The following HTR2B variants were observed in gnomAD, a reference collection of about 807,000 sequenced individuals.
The protein encoded by HTR2B is 5-hydroxytryptamine receptor 2B.
HTR2B carries 31 observed loss-of-function variants against 39.8 expected under a neutral mutation model. That is an observed-to-expected ratio of 0.78 (90% confidence interval 0.58 to 1.05). The LOEUF (loss-of-function observed/expected upper bound fraction) is 1.05. HTR2B is among the 50% of genes least tolerant of loss of function. The probability of loss-of-function intolerance (pLI) is 0.00; values close to 1 mark genes in which losing one functional copy is unlikely to be tolerated. For synonymous variants in HTR2B, 210 were observed against 207.1 expected (o/e 1.01, Z -0.12); for missense variants, 562 against 578.0 (o/e 0.97, Z 0.28).
chr2:231,123,039 G>A (rs1010207570), intron 2 of HTR2B, among the ~76,000 whole-genome samples: 1 of 152,092 alleles, frequency 6.6e-6, no homozygotes, highest in African/African-American at 2.4e-5. Flanking sequence ...ATCTGTCCCG[G>A]AAGTGTCCTA....
At position 231,123,614 on chromosome 2, in the gene HTR2B, C is replaced by G. The variant is rs1031509575; in HGVS notation, c.151G>C (p.Gly51Arg). Residue 51 changes from glycine (G) to arginine (R), a missense_variant, in exon 2 of 4, where the codon GGA (glycine) becomes CGA (arginine). Coordinates refer to ENST00000258400, the MANE Select transcript of HTR2B (RefSeq NM_000867.5). ...EEMKQIVEEQ[G>R]NKLHWAALLI... ...AGAGCTGCCCAGTGCAGTTTATTTCCCTGTTCCTCAACAATCTGTTTCATT... is the reference window on the plus strand; with the variant it reads ...AGAGCTGCCCAGTGCAGTTTATTTCGCTGTTCCTCAACAATCTGTTTCATT... The G allele has an allele frequency of 6.2e-7, 1 of 1,614,076 alleles. No homozygotes were observed. The highest frequency in any genetic ancestry group is 8.5e-7 in the Non-Finnish European group (1 of 1,179,962).
intron 2 of HTR2B, among the ~76,000 whole-genome samples, chr2:231,120,518 C>T (rs1695502561): frequency 6.6e-6 from 1 of 152,154 alleles, no homozygotes; most frequent in African/African-American, 2.4e-5. Context: ...GAAAAATTGA[C>T]CTAGCACAAC....
intron 2 of HTR2B, among the ~76,000 whole-genome samples, chr2:231,118,101 C>T (rs530428589): frequency 1.4e-5 from 2 of 147,466 alleles, no homozygotes; most frequent in Admixed American, 1.3e-4. Context: ...CCCTCTGCTT[C>T]TCTGTCCTCT....
At position 231,108,988 on chromosome 2, in the gene HTR2B, G is replaced by A. The variant is rs373423199; in HGVS notation, c.975C>T (p.Val325=). ...AAAAGAGGAAAAACACAATCCCTAG[G>A]ACCTTTGAGGCTCTCTGTTCGTTGG... The part of the protein sequence containing the change: ...TISNEQRASK[V]LGIVFFLFLL... Residue 325 remains valine, a synonymous_variant, in exon 4 of 4, where the codon GTC becomes GTT. Transcript: ENST00000258400. 1 of 1,614,058 alleles carries A rather than the reference G, an allele frequency of 6.2e-7. No individual in the cohort carries two copies. The highest frequency in any genetic ancestry group is 8.5e-7 in the Non-Finnish European group (1 of 1,180,034).
rs748785595 is a variant in HTR2B at position 231,109,406 on chromosome 2, A to T, written c.557T>A (p.Ile186Asn). Residue 186 changes from isoleucine (I) to asparagine (N), a missense_variant, in exon 4 of 4, where the codon ATT (isoleucine) becomes AAT (asparagine). Coordinates refer to ENST00000258400, the MANE Select transcript of HTR2B (RefSeq NM_000867.5). ...ITVVWLISIG[I>N]AIPVPIKGIE... ...CCCTTTAATAGGGACTGGAATGGCA[A>T]TGCCTAAGGAAGAGGAAAACAAGAT... 6.2e-7 allele frequency: 1 copy of T among 1,613,544 alleles called. No homozygotes were observed. Among genetic ancestry groups the T allele is most frequent in the Non-Finnish European group, 8.5e-7 (1 of 1,179,618 alleles).
intron 2 of HTR2B, among the ~76,000 whole-genome samples, chr2:231,114,590 T>C (rs1281017227): frequency 6.6e-6 from 1 of 152,208 alleles, no homozygotes; most frequent in Non-Finnish European, 1.5e-5. Flanking sequence ...AAACTGGAGA[T>C]AAAATAATTA....
intron 1 of HTR2B, among the ~76,000 whole-genome samples, chr2:231,124,742 C>T (rs147353788): frequency 7.2e-4 from 109 of 151,940 alleles, no homozygotes; most frequent in Non-Finnish European, 1.2e-3. Context: ...ATTTTTTTAA[C>T]CTTCCCAGTT....
At chr2:231,120,002 G>T (rs1695481484) in intron 2 of HTR2B, among the ~76,000 whole-genome samples, 1 of 150,084 alleles carries the variant, frequency 6.7e-6, no homozygotes, top group Admixed American at 6.6e-5. Context: ...ACCCAGGCTG[G>T]AGTGCAGTGG....
chr2:231,119,483 TTGCTTCAA>T (rs1279246745), intron 2 of HTR2B, among the ~76,000 whole-genome samples: 1 of 152,182 alleles, frequency 6.6e-6, no homozygotes, highest in Non-Finnish European at 1.5e-5. Context: ...CTGGGATGTC[TTGCTTCAA>T]ACAGCCATCT....
Position 231,123,860 on chromosome 2 carries a change from G to T in HTR2B, c.-96C>A. On this transcript the variant is annotated 5_prime_UTR_variant, in exon 2 of 4. Transcript: ENST00000258400. ...TGTTTTTTTAAGGCATTGTAACCAT[G>T]CCAAACACTCAAAAGCCAAAGTTGA... 9.8e-7 allele frequency: 1 copy of T among 1,015,306 alleles called. No homozygotes were observed. The highest frequency in any genetic ancestry group is 1.6e-6 in the Non-Finnish European group (1 of 643,716). 62.9% of individuals were successfully genotyped at this position (1,015,306 alleles called of 1,614,324 possible). A position where few individuals can be genotyped will look rare whatever the true frequency, so the allele number is the denominator to read the frequency against.
intron 3 of HTR2B, among the ~76,000 whole-genome samples, chr2:231,111,999 C>G (rs1695171360): frequency 6.6e-6 from 1 of 152,084 alleles, no homozygotes; most frequent in Non-Finnish European, 1.5e-5. Flanking sequence ...TTGATGGTAT[C>G]CAGCCTTAAT....
Position 231,113,865 on chromosome 2 carries a change from T to C in HTR2B, c.417A>G (p.Ser139=), listed in dbSNP as rs757908200. Residue 139 remains serine (S), a synonymous_variant, in exon 3 of 4, where the codon TCA becomes TCG. Transcript: ENST00000258400. The part of the protein sequence containing the change: ...PAWLFLDVLF[S]TASIMHLCAI... The stretch of plus-strand genomic sequence containing the variant: ...CACAGAGATGCATGATGGATGCGGT[T>C]GAAAAGAGAACGTCAAGAAATAACC... The C allele has an allele frequency of 7.4e-6, 12 of 1,614,138 alleles. No homozygotes were observed. The East Asian group carries it at 2.7e-4, about 36-fold the overall frequency.
At chr2:231,114,047 T>A in intron 2 of HTR2B, 118 bp from the exon 3 acceptor site, 1 of 765,838 alleles carries the variant, frequency 1.3e-6, no homozygotes, top group Non-Finnish European at 2.3e-6. Context: ...ATTTTATAAC[T>A]TTAACAACAT....
chr2:231,114,308 G>T (rs1440868236), intron 2 of HTR2B, among the ~76,000 whole-genome samples: 2 of 152,096 alleles, frequency 1.3e-5, no homozygotes, highest in African/African-American at 4.8e-5. Context: ...AGTAGCTGTT[G>T]TATAAAAAGA....
chr2:231,117,669 T>C (rs572292396), intron 2 of HTR2B, among the ~76,000 whole-genome samples: 1 of 152,272 alleles, frequency 6.6e-6, no homozygotes, highest in African/African-American at 2.4e-5. Context: ...TTCAGTTATA[T>C]AAATTTTTAT....
chr2:231,120,688 A>T (rs1445159327), intron 2 of HTR2B, among the ~76,000 whole-genome samples: 5 of 152,254 alleles, frequency 3.3e-5, no homozygotes, highest in East Asian at 1.9e-4. Flanking sequence ...TCTTATTTTT[A>T]AAATTTCATT....
At position 231,123,836 on chromosome 2, in the gene HTR2B, G is replaced by A; in HGVS notation, c.-72C>T. On this transcript the variant is annotated 5_prime_UTR_variant, in exon 2 of 4. Coordinates refer to ENST00000258400, the MANE Select transcript of HTR2B (RefSeq NM_000867.5). ...TGGTTAGTAGCTAAGCTGCTCATCT[G>A]TTTTTTTAAGGCATTGTAACCATGC... 8.5e-7 allele frequency: 1 copy of A among 1,172,548 alleles called. No individual in the cohort carries two copies. The highest frequency in any genetic ancestry group is 1.3e-6 in the Non-Finnish European group (1 of 780,664). 72.6% of individuals were successfully genotyped at this position (1,172,548 alleles called of 1,614,324 possible). A position where few individuals can be genotyped will look rare whatever the true frequency, so the allele number is the denominator to read the frequency against.
intron 2 of HTR2B, among the ~76,000 whole-genome samples, chr2:231,118,285 T>G (rs2125223144): frequency 2.6e-5 from 4 of 152,264 alleles, no homozygotes; most frequent in Admixed American, 2.6e-4. Context: ...AACTCAACCA[T>G]GAAAACACTC....
At chr2:231,117,693 A>G (rs957602268) in intron 2 of HTR2B, among the ~76,000 whole-genome samples, 3 of 152,156 alleles carry the variant, frequency 2.0e-5, no homozygotes, top group Middle Eastern at 3.2e-3. Flanking sequence ...TCTCCCAGAC[A>G]AGGTTCAACA....
Sources: allele counts gnomAD v4.1 joint callset (sites outside exome capture counted in the v4.1 genomes callset), GRCh38; gene constraint gnomAD v4.1.1; transcripts MANE v1.5; gene names NCBI Gene and HGNC (gene_info 2026-07-23, HGNC 2026-07-21).